Variants in ASGR2 observed in about 807,000 individuals in gnomAD.
ASGR2 encodes the protein asialoglycoprotein receptor 2, also known as C-type lectin domain family 4 member H2.
Under a neutral mutation model 32.3 loss-of-function variants are expected in ASGR2, and 34 were observed. That is an observed-to-expected ratio of 1.05 (90% CI 0.80 to 1.40). The LOEUF is 1.40. Among genes scored for constraint, ASGR2 ranks in the 40% most tolerant of loss-of-function variants. ASGR2 has a pLI of 0.00. For synonymous variants in ASGR2, 143 were observed against 150.0 expected (o/e 0.95, Z 0.34); for missense variants, 385 against 386.4 (o/e 1.00, Z 0.03).
chr17:7,114,260 C>T lies in ASGR2; in HGVS notation c.-20G>A. On this transcript the variant is annotated 5_prime_UTR_variant, in exon 2 of 9. Transcript: ENST00000691900. This position sits in a 1 kb window ranked among gnomAD's most constrained non-coding sequence, Gnocchi z 4.5. ...GGCCATGATGGGGCCCGGGCTGGAG[C>T]TGGAGCTGGAGCTGGGCTGGGCTGG... 6.2e-7 allele frequency: 1 copy of T among 1,606,542 alleles called. No individual in the cohort carries two copies. Among genetic ancestry groups the T allele is most frequent in the South Asian group, 1.1e-5 (1 of 90,914 alleles).
rs140278403 is a variant in ASGR2 at position 7,101,587 on chromosome 17, G to T, written c.909C>A (p.Gly303=). The change falls in exon 9 of 9, where the codon GGC becomes GGA. Residue 303 remains glycine, a synonymous_variant. Transcript: ENST00000691900. ...AGGTGTGCTGGGGTCAGGCCACCTCGCCGGTGGCATTCCGCCTTTTCTCAC... is the reference window on the plus strand; with the variant it reads ...AGGTGTGCTGGGGTCAGGCCACCTCTCCGGTGGCATTCCGCCTTTTCTCAC... ...WVCEKRRNAT[G]EVA 2 of 1,613,982 alleles carry T rather than the reference G, an allele frequency of 1.2e-6. No homozygotes were observed. The highest frequency in any genetic ancestry group is 1.7e-6 in the Non-Finnish European group (2 of 1,180,032).
At chr17:7,103,481 AT>A (rs1295644489) in intron 7 of ASGR2, among the ~76,000 whole-genome samples, 1 of 152,196 alleles carries the variant, frequency 6.6e-6, no homozygotes, top group Non-Finnish European at 1.5e-5. Context: ...CAGACTACAA[AT>A]TAGCAGTATC....
At chr17:7,112,537 G>C (rs1297881643) in intron 2 of ASGR2, among the ~76,000 whole-genome samples, 1 of 152,196 alleles carries the variant, frequency 6.6e-6, no homozygotes, top group Non-Finnish European at 1.5e-5. Context: ...TATTCTCTCT[G>C]AGTGTTCACT....
At chr17:7,105,081 T>C (rs1001649936) in intron 7 of ASGR2, among the ~76,000 whole-genome samples, 1 of 151,990 alleles carries the variant, frequency 6.6e-6, no homozygotes, top group Non-Finnish European at 1.5e-5. Flanking sequence ...TCTCCTCACC[T>C]TTCCTATGGA....
Position 7,102,122 on chromosome 17 carries a change from C to A in ASGR2, c.723G>T (p.Trp241Cys). Reference sequence around the variant, plus strand: ...TGTGCCTATAGTCTGTGCCATCCACCCATTTCCAAGAGCCATCACTGTCCG... The same window carrying A: ...TGTGCCTATAGTCTGTGCCATCCACACATTTCCAAGAGCCATCACTGTCCG... ...GLTDSDGSWK[W>C]VDGTDYRHNY... The change falls in exon 8 of 9, where the codon TGG becomes TGT. Residue 241 changes from tryptophan (W) to cysteine (C), a missense_variant. Trp to Cys is a radical substitution (Grantham distance 215). Transcript: ENST00000691900. 1.2e-6 allele frequency: 2 copies of A among 1,614,164 alleles called. No homozygotes were observed. The highest frequency in any genetic ancestry group is 1.7e-6 in the Non-Finnish European group (2 of 1,180,014).
chr17:7,108,349 C>T lies in ASGR2; in HGVS notation c.337+113G>A, dbSNP rs937169488. ...CTATACATCCCCCAGGGCCCCTGGA[C>T]GCCTTGCCCAGCCTGCACCCCCACG... On this transcript the variant is annotated intron_variant, in intron 4 of 8. Transcript: ENST00000691900. This position sits in a 1 kb window ranked among gnomAD's most constrained non-coding sequence, Gnocchi z 4.9. 9.4e-5 allele frequency: 106 copies of T among 1,133,194 alleles called. No homozygotes were observed. Among genetic ancestry groups the T allele is most frequent in the Non-Finnish European group, 1.2e-4 (98 of 798,748 alleles). The allele number at this position is 1,133,194 out of a possible 1,614,324, so 70.2% of individuals were successfully genotyped here. A position where few individuals can be genotyped will look rare whatever the true frequency, so the allele number is the denominator to read the frequency against.
rs1180579647 is a variant in ASGR2, at chr17:7,105,782, T to G, written c.648+1218A>C. ...GTCCAGGATGAAGCCAAGATTAATT[T>G]AAATTAGCATTTTTTTTTTTTTTTG... On this transcript the variant is annotated intron_variant, in intron 7 of 8. Coordinates refer to ENST00000691900, the MANE Select transcript of ASGR2 (RefSeq NM_001201352.2). Among the ~76,000 whole-genome samples, 4 of 138,166 alleles carry G rather than the reference T, an allele frequency of 2.9e-5. No individual in the cohort carries two copies. The East Asian group carries it at 8.5e-4, about 29-fold the overall frequency. 90.6% of individuals were successfully genotyped at this position (138,166 alleles called of 152,430 possible). A position where few individuals can be genotyped will look rare whatever the true frequency, so the allele number is the denominator to read the frequency against.
At chr17:7,106,301 A>G (rs1913676508) in intron 7 of ASGR2, among the ~76,000 whole-genome samples, 1 of 152,222 alleles carries the variant, frequency 6.6e-6, no homozygotes, top group Non-Finnish European at 1.5e-5. Context: ...AATTCAAGGC[A>G]AAAAGCATTA....
At chr17:7,102,033 G>C (rs1319840667) in intron 8 of ASGR2, 57 bp downstream of exon 8, 2 of 1,539,212 alleles carry the variant, frequency 1.3e-6, no homozygotes, top group Admixed American at 3.3e-5. Flanking sequence ...GGAGTGAAAG[G>C]CCAGGGGGCT....
Position 7,108,715 on chromosome 17 carries a change from T to C in ASGR2, c.241+57A>G. 6.2e-7 allele frequency: 1 copy of C among 1,612,976 alleles called. No individual in the cohort carries two copies. Among genetic ancestry groups the C allele is most frequent in the Non-Finnish European group, 8.5e-7 (1 of 1,179,284 alleles). On this transcript the variant is annotated intron_variant, in intron 3 of 8. Coordinates refer to ENST00000691900, the MANE Select transcript of ASGR2 (RefSeq NM_001201352.2). This position sits in a 1 kb window ranked among gnomAD's most constrained non-coding sequence, Gnocchi z 4.9. The stretch of plus-strand genomic sequence containing the variant: ...CATCGCCCCGATCGCTGCCCGCCAC[T>C]GCCCATGTCTCTTTCCCTACCCCTT...
chr17:7,101,518 C>A lies in ASGR2; in HGVS notation c.*57G>T, dbSNP rs1191124427. ...TTCTTCCTTTCCTCAAAATCCTCAA[C>A]AGAGAAGCCAGAGCTGGGCAGGTGT... is the stretch of plus-strand genomic sequence containing the variant. On this transcript the variant is annotated 3_prime_UTR_variant, in exon 9 of 9. Coordinates refer to ENST00000691900, the MANE Select transcript of ASGR2 (RefSeq NM_001201352.2). 1.9e-6 allele frequency: 3 copies of A among 1,576,056 alleles called. No homozygotes were observed. The African/African-American group carries it at 4.1e-5, about 21-fold the overall frequency.
rs934468891 is a variant in ASGR2, at chr17:7,114,739, G to A, written c.-195C>T. On this transcript the variant is annotated 5_prime_UTR_variant, in exon 1 of 9. Transcript: ENST00000691900. This position sits in a 1 kb window ranked among gnomAD's most constrained non-coding sequence, Gnocchi z 4.5. ...ACAGGGGAGAGGAGAGTGGAGGAGG[G>A]GCTGGTCCGGGCAAGGCCTGCACTG... 8.9e-5 allele frequency: 89 copies of A among 1,001,950 alleles called. No individual in the cohort carries two copies. In the African/African-American group the frequency reaches 1.5e-3, roughly 17 times the overall value. 62.1% of individuals were successfully genotyped at this position (1,001,950 alleles called of 1,614,324 possible).
rs149276219 is a variant in ASGR2, at chr17:7,113,206, T to C, written c.124+911A>G. Among the ~76,000 whole-genome samples, 1 of 152,046 alleles carries C rather than the reference T, an allele frequency of 6.6e-6. No individual in the cohort carries two copies. Among genetic ancestry groups the C allele is most frequent in the African/African-American group, 2.4e-5 (1 of 41,462 alleles). On this transcript the variant is annotated intron_variant, in intron 2 of 8. Coordinates refer to ENST00000691900, the MANE Select transcript of ASGR2 (RefSeq NM_001201352.2). This position sits in a 1 kb window ranked among gnomAD's most constrained non-coding sequence, Gnocchi z 5.1. ...TTACAGAAGGATCCAGGGAAGGGTC[T>C]TGGGAGATGAGAGGAGCAGGGATCT...
intron 7 of ASGR2, among the ~76,000 whole-genome samples, chr17:7,102,672 A>G (rs1913023428): frequency 1.3e-5 from 2 of 152,058 alleles, no homozygotes; most frequent in African/African-American, 4.8e-5. Context: ...ACTGCCCCCC[A>G]GACCCCAGAC....
rs199645896 is a variant in ASGR2 at position 7,102,146 on chromosome 17, C to T, written c.699G>A (p.Thr233=). The change falls in exon 8 of 9, where the codon ACG becomes ACA. Residue 233 remains threonine, a synonymous_variant. Coordinates refer to ENST00000691900, the MANE Select transcript of ASGR2 (RefSeq NM_001201352.2). ...TNPFNTWIGL[T]DSDGSWKWVD... is the part of the protein sequence containing the mutation. Reference sequence around the variant, plus strand: ...CCCATTTCCAAGAGCCATCACTGTCCGTGAGACCTATCCAGGTATTGAAGG... The same window carrying T: ...CCCATTTCCAAGAGCCATCACTGTCTGTGAGACCTATCCAGGTATTGAAGG... The T allele has an allele frequency of 1.5e-4, 246 of 1,614,186 alleles. 1 individual carries two copies. The East Asian group carries it at 5.0e-3, about 33-fold the overall frequency.
rs890118885 is a variant in ASGR2 at position 7,107,467 on chromosome 17, G to A, written c.410-150C>T. The A allele has an allele frequency of 2.6e-6, 2 of 772,532 alleles. No individual in the cohort carries two copies. Among genetic ancestry groups the A allele is most frequent in the African/African-American group, 1.7e-5 (1 of 58,020 alleles). 47.9% of individuals were successfully genotyped at this position (772,532 alleles called of 1,614,324 possible). On this transcript the variant is annotated intron_variant, in intron 5 of 8. Transcript: ENST00000691900. This position sits in a 1 kb window ranked among gnomAD's most constrained non-coding sequence, Gnocchi z 5.0. ...CATACCACACACACACCACAGACAT[G>A]TACACCACACATAGACCACACCACA...
At chr17:7,106,206 T>C (rs1051303051) in intron 7 of ASGR2, among the ~76,000 whole-genome samples, 3 of 151,940 alleles carry the variant, frequency 2.0e-5, no homozygotes, top group Non-Finnish European at 4.4e-5. Context: ...TTCAAAAAGG[T>C]AAGAAACAAA....
chr17:7,108,167 T>G lies in ASGR2; in HGVS notation c.338-260A>C, dbSNP rs1914110060. On this transcript the variant is annotated intron_variant, in intron 4 of 8. Transcript: ENST00000691900. This position sits in a 1 kb window ranked among gnomAD's most constrained non-coding sequence, Gnocchi z 4.9. Reference sequence around the variant, plus strand: ...CTGCGTGGCCGGGCCCCTCCCCACCTCTCTCTGGCCACCCCTTACCTGCCT... The same window carrying G: ...CTGCGTGGCCGGGCCCCTCCCCACCGCTCTCTGGCCACCCCTTACCTGCCT... 6.6e-6 allele frequency among the ~76,000 whole-genome samples: 1 copy of G among 151,884 alleles called. No individual in the cohort carries two copies. Among genetic ancestry groups the G allele is most frequent in the Non-Finnish European group, 1.5e-5 (1 of 67,938 alleles).
chr17:7,110,020 T>C (rs1914420318), intron 2 of ASGR2, among the ~76,000 whole-genome samples: 3 of 152,066 alleles, frequency 2.0e-5, no homozygotes, highest in Admixed American at 2.0e-4. Flanking sequence ...GTGGACTTCC[T>C]TGTCTTCTCA....
Sources: gnomAD v4.1 joint callset for allele counts (sites outside exome capture counted in the v4.1 genomes callset) on GRCh38, gnomAD v4.1.1 for gene constraint, Gnocchi (gnomAD v3.1) non-coding constraint, MANE v1.5 for transcripts, NCBI Gene and HGNC (gene_info 2026-07-23, HGNC 2026-07-21) for gene names.